The following KCNH8 variants were observed in gnomAD, a reference collection of about 807,000 sequenced individuals.
KCNH8 encodes the protein potassium voltage-gated channel subfamily H member 8.
In KCNH8, 70 loss-of-function variants were observed where a neutral mutation model predicts 103.6. That is an observed-to-expected ratio of 0.68 (90% confidence interval 0.56 to 0.82). The LOEUF (loss-of-function observed/expected upper bound fraction) is 0.82. KCNH8 is among the 40% of genes least tolerant of loss of function. The pLI, the probability that KCNH8 is intolerant of heterozygous loss-of-function variation, is 0.00. For missense variants in KCNH8, 1,217 were observed against 1,329.9 expected, an observed-to-expected ratio of 0.92 and a Z score of 1.32; for synonymous variants, 498 against 489.4, an observed-to-expected ratio of 1.02 and a Z score of -0.23.
intron 11 of KCNH8, among the ~76,000 whole-genome samples, chr3:19,496,983 G>A (rs2068456283): frequency 6.6e-6 from 1 of 151,992 alleles, no homozygotes; most frequent in Non-Finnish European, 1.5e-5. Context: ...TGTGCATAGA[G>A]GTATATGTGT....
At chr3:19,252,088 G>T in intron 1 of KCNH8, among the ~76,000 whole-genome samples, 1 of 152,066 alleles carries the variant, frequency 6.6e-6, no homozygotes, top group East Asian at 1.9e-4. Flanking sequence ...TTTGATAGTA[G>T]TATCTAATTC....
At chr3:19,249,447 A>G in intron 1 of KCNH8, among the ~76,000 whole-genome samples, 1 of 152,180 alleles carries the variant, frequency 6.6e-6, no homozygotes, top group East Asian at 1.9e-4. Context: ...AAGACCAAAT[A>G]CGTGCCTTTA....
chr3:19,360,769 A>C (rs1036148616), intron 5 of KCNH8, among the ~76,000 whole-genome samples: 5 of 152,076 alleles, frequency 3.3e-5, no homozygotes, highest in African/African-American at 7.2e-5. Context: ...TGTGTATTTC[A>C]ATTCATAAGG....
intron 5 of KCNH8, among the ~76,000 whole-genome samples, chr3:19,361,148 C>A (rs1574967481): frequency 6.6e-6 from 1 of 151,656 alleles, no homozygotes; most frequent in African/African-American, 2.4e-5. Context: ...GTGATGAAAT[C>A]AAAATAAATA....
At chr3:19,280,047 A>T (rs922483340) in intron 2 of KCNH8, among the ~76,000 whole-genome samples, 1 of 152,138 alleles carries the variant, frequency 6.6e-6, no homozygotes, top group African/African-American at 2.4e-5. Context: ...TTTTTAAGCA[A>T]CAACAACTTT....
chr3:19,180,359 A>T (rs143696006), intron 1 of KCNH8, among the ~76,000 whole-genome samples: 2 of 152,154 alleles, frequency 1.3e-5, no homozygotes, highest in African/African-American at 4.8e-5. Flanking sequence ...ATTCAGAGAG[A>T]CATGCTTCTT....
chr3:19,270,730 A>G (rs565997216), intron 2 of KCNH8, among the ~76,000 whole-genome samples: 29 of 152,300 alleles, frequency 1.9e-4, no homozygotes, highest in African/African-American at 7.0e-4. Flanking sequence ...AGTTTGCACA[A>G]TGGAAGAAAT....
intron 5 of KCNH8, among the ~76,000 whole-genome samples, chr3:19,378,378 A>G (rs1445216149): frequency 1.3e-5 from 2 of 152,196 alleles, no homozygotes; most frequent in Non-Finnish European, 2.9e-5. Context: ...TTTTCATTGT[A>G]CAATAGAGTT....
chr3:19,223,579 A>G (rs1401215240), intron 1 of KCNH8, among the ~76,000 whole-genome samples: 2 of 152,056 alleles, frequency 1.3e-5, no homozygotes, highest in African/African-American at 4.8e-5. Flanking sequence ...TGTAAGTTAA[A>G]TGTGCTTATT....
At chr3:19,519,466 T>C (rs2068934102) in intron 15 of KCNH8, among the ~76,000 whole-genome samples, 2 of 151,398 alleles carry the variant, frequency 1.3e-5, no homozygotes, top group Non-Finnish European at 2.9e-5. Flanking sequence ...ATTTATGTTT[T>C]ACTACCATCT....
chr3:19,318,962 T>C (rs2065313907), intron 3 of KCNH8, among the ~76,000 whole-genome samples: 5 of 151,784 alleles, frequency 3.3e-5, no homozygotes, highest in Admixed American at 3.3e-4. Context: ...CTTTTGAGAC[T>C]TTTCTATTCA....
chr3:19,420,470 A>G (rs186666127), intron 7 of KCNH8, among the ~76,000 whole-genome samples: 2 of 152,224 alleles, frequency 1.3e-5, no homozygotes, highest in East Asian at 3.9e-4. Context: ...CGGTATTTCT[A>G]ATTTTATCAT....
chr3:19,411,590 T>C (rs1392283476), intron 7 of KCNH8, among the ~76,000 whole-genome samples: 2 of 152,042 alleles, frequency 1.3e-5, no homozygotes, highest in African/African-American at 2.4e-5. Flanking sequence ...TGGGGAGATA[T>C]GATTCTACAC....
rs565596660 is a variant in KCNH8 at position 19,496,426 on chromosome 3, G to T, written c.2041-13937G>T. ...GAAGTGATGTTGAATTTTATCAAAA[G>T]ACTTTTCTGCATCTATTGAGATAAT... On this transcript the variant is annotated intron_variant, in intron 11 of 15. Transcript: ENST00000328405. 5.3e-5 allele frequency among the ~76,000 whole-genome samples: 8 copies of T among 152,288 alleles called. No homozygotes were observed. The South Asian group carries it at 1.5e-3, about 28-fold the overall frequency.
At chr3:19,376,434 G>A (rs560420393) in intron 5 of KCNH8, among the ~76,000 whole-genome samples, 1 of 152,286 alleles carries the variant, frequency 6.6e-6, no homozygotes, top group African/African-American at 2.4e-5. Flanking sequence ...CCCGAGTGAG[G>A]CAATGCCTCT....
intron 3 of KCNH8, among the ~76,000 whole-genome samples, chr3:19,332,546 T>G (rs554715931): frequency 5.2e-4 from 79 of 152,342 alleles, no homozygotes; most frequent in African/African-American, 1.8e-3. Context: ...AACAATGCAA[T>G]TGCTCACTTG....
intron 5 of KCNH8, among the ~76,000 whole-genome samples, chr3:19,359,770 G>C (rs954440558): frequency 6.6e-6 from 1 of 152,010 alleles, no homozygotes; most frequent in Non-Finnish European, 1.5e-5. Context: ...TATATAGTAT[G>C]CTAACGTTTA....
intron 3 of KCNH8, among the ~76,000 whole-genome samples, chr3:19,341,156 T>A (rs920573440): frequency 4.6e-5 from 7 of 152,086 alleles, no homozygotes; most frequent in African/African-American, 1.7e-4. Flanking sequence ...GCACAGTGTG[T>A]TTACTGAAGC....
intron 2 of KCNH8, among the ~76,000 whole-genome samples, chr3:19,277,366 C>T (rs1463969626): frequency 6.6e-6 from 1 of 151,990 alleles, no homozygotes; most frequent in East Asian, 1.9e-4. Context: ...AGTTTGAGAC[C>T]AGCGTGGGAA....
Sources: gnomAD v4.1 joint callset for allele counts (sites outside exome capture counted in the v4.1 genomes callset) on GRCh38, gnomAD v4.1.1 for gene constraint, MANE v1.5 for transcripts, NCBI Gene and HGNC (gene_info 2026-07-23, HGNC 2026-07-21) for gene names.